The following MYO5B variants were observed in gnomAD, a reference collection of about 807,000 sequenced individuals.
The protein encoded by MYO5B is myosin VB.
A neutral mutation model predicts 229.3 loss-of-function variants in MYO5B; 143 were observed. That is an observed-to-expected ratio of 0.62 (90% CI 0.54 to 0.72). MYO5B has a LOEUF of 0.72. Ranked by LOEUF, MYO5B falls within the 30% of genes least tolerant of loss-of-function variation. The probability of loss-of-function intolerance (pLI) is 0.00; values close to 1 mark genes in which losing one functional copy is unlikely to be tolerated. For synonymous variants in MYO5B, 918 were observed against 885.2 expected (o/e 1.04, Z -0.66); for missense variants, 2,321 against 2,331.0 (o/e 1.00, Z 0.09).
intron 14 of MYO5B, among the ~76,000 whole-genome samples, chr18:49,949,311 A>G (rs1371096502): frequency 6.7e-6 from 1 of 149,524 alleles, no homozygotes; most frequent in African/African-American, 2.5e-5. Context: ...TTTTCACAAT[A>G]AATAAAAACT....
At chr18:49,935,934 C>T (rs1205072985) in intron 16 of MYO5B, among the ~76,000 whole-genome samples, 1 of 152,240 alleles carries the variant, frequency 6.6e-6, no homozygotes, top group African/African-American at 2.4e-5. Context: ...GCAACCTTTC[C>T]AAGCCTGAAT....
rs1330752721 is a variant in MYO5B at position 50,015,515 on chromosome 18, G to T, written c.456-14104C>A. 2.6e-5 allele frequency among the ~76,000 whole-genome samples: 4 copies of T among 152,222 alleles called. No homozygotes were observed. The East Asian group carries it at 7.7e-4, about 29-fold the overall frequency. On this transcript the variant is annotated intron_variant, in intron 4 of 39. Coordinates refer to ENST00000285039, the MANE Select transcript of MYO5B (RefSeq NM_001080467.3). ...CCTTAACATTTGTAAAATCCCAAAA[G>T]GTGAAATTTTTTAAGTGTTCTTTAG... is the stretch of plus-strand genomic sequence containing the variant.
At chr18:50,116,136 G>C (rs2031958414) in intron 1 of MYO5B, among the ~76,000 whole-genome samples, 1 of 152,206 alleles carries the variant, frequency 6.6e-6, no homozygotes, top group South Asian at 2.1e-4. Flanking sequence ...AGACTCCTAA[G>C]AGCAATCATG....
At chr18:49,877,453 A>G (rs1163407362) in intron 25 of MYO5B, among the ~76,000 whole-genome samples, 3 of 152,192 alleles carry the variant, frequency 2.0e-5, no homozygotes, top group Non-Finnish European at 2.9e-5. Context: ...GTTCCTTCCT[A>G]AACCACCTAT....
At chr18:49,892,331 CAG>C (rs946807071) in intron 22 of MYO5B, among the ~76,000 whole-genome samples, 4 of 152,196 alleles carry the variant, frequency 2.6e-5, no homozygotes, top group East Asian at 3.9e-4. Flanking sequence ...ACTCTGTGGA[CAG>C]AGAGATGAAT....
At chr18:50,189,221 GA>G (rs2033195082) in intron 1 of MYO5B, among the ~76,000 whole-genome samples, 1 of 152,180 alleles carries the variant, frequency 6.6e-6, no homozygotes, top group African/African-American at 2.4e-5. Flanking sequence ...CTGATCCTGA[GA>G]CAAGGATTCC....
intron 4 of MYO5B, among the ~76,000 whole-genome samples, chr18:50,023,820 A>T (rs2026302556): frequency 6.6e-6 from 1 of 152,120 alleles, no homozygotes; most frequent in Non-Finnish European, 1.5e-5. Flanking sequence ...TGCCTCCCGG[A>T]GACACTAGAA....
At chr18:50,111,070 TG>T (rs2031856081) in intron 1 of MYO5B, among the ~76,000 whole-genome samples, 1 of 152,240 alleles carries the variant, frequency 6.6e-6, no homozygotes, top group Non-Finnish European at 1.5e-5. Context: ...TTTCATTCTT[TG>T]GTGGAGACTA....
chr18:49,997,267 TAAAAAAAAAAAAAAAA>T (rs58927375), intron 5 of MYO5B, among the ~76,000 whole-genome samples: 38 of 101,156 alleles, frequency 3.8e-4, no homozygotes, highest in Admixed American at 4.4e-4. Flanking sequence ...GTCCTGTCTT[TAAAAAAAAAAAAAAAA>T]AAAAAAAAAA....
intron 1 of MYO5B, among the ~76,000 whole-genome samples, chr18:50,057,586 T>G (rs1598987745): frequency 6.6e-6 from 1 of 152,176 alleles, no homozygotes; most frequent in East Asian, 1.9e-4. Flanking sequence ...CTGAAGAATC[T>G]CGTTGCCTGG....
chr18:49,844,146 A>G (rs1205432117), intron 33 of MYO5B, among the ~76,000 whole-genome samples: 2 of 152,144 alleles, frequency 1.3e-5, no homozygotes, highest in Non-Finnish European at 2.9e-5. Flanking sequence ...TTAACTGCAG[A>G]CTCAGCCCTT....
rs771049134 is a variant in MYO5B at position 49,895,021 on chromosome 18, G to A, written c.2965C>T (p.Arg989Cys). 32 of 1,613,910 alleles carry A rather than the reference G, an allele frequency of 2.0e-5. No individual in the cohort carries two copies. The highest frequency in any genetic ancestry group is 8.9e-5 in the East Asian group (4 of 44,878). The change falls in exon 22 of 40, where the codon CGC (arginine) becomes TGC (cysteine). Residue 989 changes from arginine (R) to cysteine (C), a missense_variant. This residue lies in a region of MYO5B where 2,113 missense variants were observed against 2,044.7 expected (regional missense o/e 1.03). Transcript: ENST00000285039. ...LRLQEEVESL[R>C]TELQRAHSER... ...GAGTGGGCCCTCTGCAGCTCTGTGC[G>A]CAGGCTCTCCACCTCCTCCTGCAGC...
At chr18:49,849,826 C>T in intron 31 of MYO5B, 166 bp from the exon 32 acceptor site, 1 of 692,796 alleles carries the variant, frequency 1.4e-6, no homozygotes, top group Non-Finnish European at 2.6e-6. Flanking sequence ...AGGCTGTTGC[C>T]ACCTGCTCTG....
At position 49,906,503 on chromosome 18, in the gene MYO5B, C is replaced by A. The variant is rs779221743; in HGVS notation, c.2330G>T (p.Gly777Val). Residue 777 changes from glycine (G) to valine (V), a missense_variant, in exon 19 of 40, where the codon GGA becomes GTA. Transcript: ENST00000285039. ...GTGATATTTCACCTTCTGCAGCCAT[C>A]CCCGGACAGTTTTCTGGATCATGAT... ...ATIMIQKTVR[G>V]WLQKVKYHRL... The A allele has an allele frequency of 6.2e-7, 1 of 1,614,180 alleles. No homozygotes were observed. The highest frequency in any genetic ancestry group is 1.1e-5 in the South Asian group (1 of 91,078).
intron 10 of MYO5B, among the ~76,000 whole-genome samples, chr18:49,972,340 C>A (rs2144277409): frequency 6.6e-6 from 1 of 152,266 alleles, no homozygotes; most frequent in South Asian, 2.1e-4. Context: ...GCCCCACGAG[C>A]CCAGCTCACG....
intron 9 of MYO5B, among the ~76,000 whole-genome samples, chr18:49,976,075 T>A (rs1185640511): frequency 6.6e-6 from 1 of 152,196 alleles, no homozygotes. Flanking sequence ...CTCAACTGAA[T>A]CCACCTGGGA....
At position 50,011,614 on chromosome 18, in the gene MYO5B, G is replaced by A. The variant is rs112436219; in HGVS notation, c.456-10203C>T. Among the ~76,000 whole-genome samples, 549 of 152,058 alleles carry A rather than the reference G, an allele frequency of 3.6e-3. 1 individual carries two copies. Among genetic ancestry groups the A allele is most frequent in the African/African-American group, 0.013 (529 of 41,498 alleles). On this transcript the variant is annotated intron_variant, in intron 4 of 39. Coordinates refer to ENST00000285039, the MANE Select transcript of MYO5B (RefSeq NM_001080467.3). Reference sequence around the variant, plus strand: ...TGAGCAGGGAATCTGGGAACTGCCCGTGACACCTTTCTCTCCTTTACTGCT... The same window carrying A: ...TGAGCAGGGAATCTGGGAACTGCCCATGACACCTTTCTCTCCTTTACTGCT...
intron 1 of MYO5B, among the ~76,000 whole-genome samples, chr18:50,072,189 G>T (rs902950249): frequency 6.6e-6 from 1 of 151,996 alleles, no homozygotes; most frequent in South Asian, 2.1e-4. Context: ...CAGGCAAAAA[G>T]TGATTAGAGT....
At chr18:50,099,877 GACT>G (rs1239837281) in intron 1 of MYO5B, among the ~76,000 whole-genome samples, 4 of 152,166 alleles carry the variant, frequency 2.6e-5, no homozygotes, top group Non-Finnish European at 4.4e-5. Flanking sequence ...GCTAAATATA[GACT>G]ACTATTTACT....
Sources: allele counts gnomAD v4.1 joint callset (sites outside exome capture counted in the v4.1 genomes callset), GRCh38; gene constraint gnomAD v4.1.1; regional missense constraint gnomAD v4.1.1; transcripts MANE v1.5; gene names NCBI Gene and HGNC (gene_info 2026-07-23, HGNC 2026-07-21).